Variants in SCARB1 observed in about 807,000 individuals in gnomAD.
SCARB1 encodes CD36 and LIMPII analogous 1.
In SCARB1, 30 loss-of-function variants were observed where a neutral mutation model predicts 57.2. That is an observed-to-expected ratio of 0.52 (90% CI 0.39 to 0.71). SCARB1 has a LOEUF of 0.71. SCARB1 is among the 30% of genes least tolerant of loss of function. The pLI, the probability that SCARB1 is intolerant of heterozygous loss-of-function variation, is 0.00. For missense variants in SCARB1, 543 were observed against 671.2 expected, an observed-to-expected ratio of 0.81 and a Z score of 2.11; for synonymous variants, 249 against 268.3, an observed-to-expected ratio of 0.93 and a Z score of 0.70.
At chr12:124,801,067 C>T (rs1373276807) in intron 7 of SCARB1, among the ~76,000 whole-genome samples, 1 of 152,162 alleles carries the variant, frequency 6.6e-6, no homozygotes, top group Non-Finnish European at 1.5e-5. Flanking sequence ...GGCATGGTGG[C>T]ACCTGCATGT....
chr12:124,853,418 G>A (rs35544896), intron 1 of SCARB1, among the ~76,000 whole-genome samples: 11,037 of 145,132 alleles, frequency 0.076, 604 homozygotes, highest in Non-Finnish European at 0.11. Context: ...TTTGGGAGAC[G>A]GAGTCTCGCT....
chr12:124,798,136 C>T (rs1321331667), intron 8 of SCARB1, among the ~76,000 whole-genome samples: 2 of 152,210 alleles, frequency 1.3e-5, no homozygotes, highest in African/African-American at 2.4e-5. Flanking sequence ...TCCAGCTGGG[C>T]GCGGCGGCTC....
chr12:124,786,480 A>G lies in SCARB1; in HGVS notation c.1278T>C (p.Thr426=), dbSNP rs773024421. The G allele has an allele frequency of 1.9e-6, 3 of 1,613,940 alleles. No homozygotes were observed. The highest frequency in any genetic ancestry group is 2.5e-6 in the Non-Finnish European group (3 of 1,180,030). The change falls in exon 11 of 13, where the codon ACT becomes ACC. Residue 426 remains threonine, a synonymous_variant. Transcript: ENST00000261693. ...FAESGAMEGE[T]LHTFYTQLVL... ...CCAGCTGAGTGTAGAATGTGTGAAGAGTCTCCCCCTCCATGGCCCCGCTCT... is the reference window on the plus strand; with the variant it reads ...CCAGCTGAGTGTAGAATGTGTGAAGGGTCTCCCCCTCCATGGCCCCGCTCT...
chr12:124,780,759 T>C (rs1873289385), intron 12 of SCARB1, among the ~76,000 whole-genome samples: 1 of 152,170 alleles, frequency 6.6e-6, no homozygotes, highest in South Asian at 2.1e-4. Flanking sequence ...TGACAGGACA[T>C]CCTGGTTATG....
intron 1 of SCARB1, among the ~76,000 whole-genome samples, chr12:124,844,796 C>A (rs1952073447): frequency 6.6e-6 from 1 of 150,940 alleles, no homozygotes; most frequent in Admixed American, 6.7e-5. Context: ...CTGTTATGGA[C>A]ATTTTTTTCT....
At chr12:124,792,226 G>A (rs114297334) in intron 9 of SCARB1, among the ~76,000 whole-genome samples, 1,666 of 152,234 alleles carry the variant, frequency 0.011, 32 homozygotes, top group African/African-American at 0.027. Context: ...GACAGGTCAC[G>A]AGACAGCTCT....
chr12:124,844,281 G>C (rs1039172857), intron 1 of SCARB1, among the ~76,000 whole-genome samples: 1 of 152,140 alleles, frequency 6.6e-6, no homozygotes, highest in Non-Finnish European at 1.5e-5. Flanking sequence ...ACGAGTTACC[G>C]TGCATGGCAT....
chr12:124,830,920 C>G (rs1566217172), intron 1 of SCARB1, among the ~76,000 whole-genome samples: 1 of 151,962 alleles, frequency 6.6e-6, no homozygotes, highest in East Asian at 1.9e-4. Context: ...TCAAGCAATT[C>G]TCCTGCCTCA....
rs1444327235 is a variant in SCARB1, at chr12:124,858,092, TG to T, written c.126+5502del. ...GCATGCCAGGCTCAGATCCAGGGAA[TG>T]GGAGCAAGAGTCCCCATTCTCATGG... On this transcript the variant is annotated intron_variant, in intron 1 of 12. Coordinates refer to ENST00000261693, the MANE Select transcript of SCARB1 (RefSeq NM_005505.5). 5.3e-5 allele frequency among the ~76,000 whole-genome samples: 8 copies of T among 152,192 alleles called. No individual in the cohort carries two copies. In the South Asian group the frequency reaches 1.2e-3, roughly 24 times the overall value.
Position 124,817,372 on chromosome 12 carries a change from A to C in SCARB1, c.284+178T>G, listed in dbSNP as rs1022671346. ...CATCTCTAAAAAAAAAAAAAAAAAA[A>C]AAAAAAACCCTAAAACAAAAACTTC... On this transcript the variant is annotated intron_variant, in intron 2 of 12. Transcript: ENST00000261693. This position sits in a 1 kb window ranked among gnomAD's most constrained non-coding sequence, Gnocchi z 4.8. Among the ~76,000 whole-genome samples, 1 of 150,940 alleles carries C rather than the reference A, an allele frequency of 6.6e-6. No individual in the cohort carries two copies. Among genetic ancestry groups the C allele is most frequent in the Non-Finnish European group, 1.5e-5 (1 of 67,676 alleles).
At chr12:124,809,634 CAGA>C (rs1950451494) in intron 6 of SCARB1, among the ~76,000 whole-genome samples, 1 of 152,138 alleles carries the variant, frequency 6.6e-6, no homozygotes, top group Non-Finnish European at 1.5e-5. Context: ...GCTGGGAGGG[CAGA>C]TAAGTCAAGG....
At chr12:124,778,646 T>TGGCCCCC in intron 12 of SCARB1, 60 bp from the exon 13 acceptor site, 7 of 1,337,826 alleles carry the variant, frequency 5.2e-6, no homozygotes, top group Non-Finnish European at 6.7e-6. Flanking sequence ...CCCACCCTCA[T>TGGCCCCC]CCCCGCCCAC....
intron 1 of SCARB1, among the ~76,000 whole-genome samples, chr12:124,841,451 C>T (rs1951906951): frequency 6.7e-6 from 1 of 148,930 alleles, no homozygotes; most frequent in Non-Finnish European, 1.5e-5. Context: ...CACTGCACTC[C>T]AGCCTGGGCG....
intron 1 of SCARB1, among the ~76,000 whole-genome samples, chr12:124,849,309 C>T (rs1952295698): frequency 1.3e-5 from 2 of 152,288 alleles, no homozygotes; most frequent in Non-Finnish European, 2.9e-5. Flanking sequence ...CTGGGCAGCT[C>T]ATCCCTCCCA....
chr12:124,827,651 T>C (rs1951215122), intron 1 of SCARB1, among the ~76,000 whole-genome samples: 1 of 152,130 alleles, frequency 6.6e-6, no homozygotes, highest in Admixed American at 6.5e-5. Flanking sequence ...CTCCTTGCTA[T>C]CCTGTCCAAG....
chr12:124,833,187 C>T (rs974030664), intron 1 of SCARB1, among the ~76,000 whole-genome samples: 1 of 128,876 alleles, frequency 7.8e-6, no homozygotes, highest in Admixed American at 8.5e-5. Flanking sequence ...ATCTCAAGAT[C>T]CTTAACTTTT....
chr12:124,860,047 T>A (rs953171634), intron 1 of SCARB1, among the ~76,000 whole-genome samples: 1 of 150,636 alleles, frequency 6.6e-6, no homozygotes, highest in African/African-American at 2.4e-5. Flanking sequence ...GCCTTCCAGG[T>A]TCAAGCTATT....
At chr12:124,829,809 A>T (rs1951315467) in intron 1 of SCARB1, among the ~76,000 whole-genome samples, 1 of 152,248 alleles carries the variant, frequency 6.6e-6, no homozygotes, top group Non-Finnish European at 1.5e-5. Context: ...GCACTTCAAT[A>T]GTGAACAAAA....
chr12:124,787,453 T>A lies in SCARB1; in HGVS notation c.1207A>T (p.Thr403Ser). 1.2e-6 allele frequency: 2 copies of A among 1,613,498 alleles called. No individual in the cohort carries two copies. The highest frequency in any genetic ancestry group is 1.7e-6 in the Non-Finnish European group (2 of 1,179,794). ...YMKSVAGIGQ[T>S]GKIEPVVLPL... ...AGGACCACAGGCTCAATCTTCCCAG[T>A]TTGTCTGGAAATAAGCAAGACATAG... is the stretch of plus-strand genomic sequence containing the variant. The change falls in exon 10 of 13, where the codon ACT (threonine) becomes TCT (serine). Residue 403 changes from threonine (T) to serine (S), a missense_variant. Thr to Ser is a moderately conservative substitution (Grantham distance 58). Coordinates refer to ENST00000261693, the MANE Select transcript of SCARB1 (RefSeq NM_005505.5).
Sources: gnomAD v4.1 joint callset for allele counts (sites outside exome capture counted in the v4.1 genomes callset) on GRCh38, gnomAD v4.1.1 for gene constraint, Gnocchi (gnomAD v3.1) non-coding constraint, MANE v1.5 for transcripts, NCBI Gene and HGNC (gene_info 2026-07-23, HGNC 2026-07-21) for gene names.